FAM135B: variants seen among roughly 807,000 people sequenced by gnomAD.
FAM135B encodes protein FAM135B.
FAM135B carries 43 observed loss-of-function variants against 127.7 expected under a neutral mutation model. The observed-to-expected ratio is 0.34, with a 90% CI of 0.26 to 0.43. The LOEUF (loss-of-function observed/expected upper bound fraction) is 0.43, where lower values mean the gene tolerates loss of function less well. FAM135B is among the 20% of genes least tolerant of loss of function. FAM135B has a pLI of 1.00. For missense variants in FAM135B, 1,558 were observed against 1,725.6 expected, an observed-to-expected ratio of 0.90 and a Z score of 1.72; for synonymous variants, 670 against 665.1, an observed-to-expected ratio of 1.01 and a Z score of -0.11.
At chr8:138,446,790 C>A (rs957581523) in intron 1 of FAM135B, among the ~76,000 whole-genome samples, 31 of 151,624 alleles carry the variant, frequency 2.0e-4, no homozygotes, top group African/African-American at 4.8e-4. Context: ...GCAACAAAAG[C>A]CAAAATTGAC....
chr8:138,447,152 A>T (rs1587477511), intron 1 of FAM135B, among the ~76,000 whole-genome samples: 1 of 152,044 alleles, frequency 6.6e-6, no homozygotes, highest in African/African-American at 2.4e-5. Flanking sequence ...AAGTCAGGAA[A>T]CAACAGGTGC....
intron 3 of FAM135B, among the ~76,000 whole-genome samples, chr8:138,296,920 A>G (rs1305415530): frequency 6.6e-6 from 1 of 152,176 alleles, no homozygotes; most frequent in African/African-American, 2.4e-5. Flanking sequence ...CATGAATACT[A>G]AAGCCGAATG....
At chr8:138,449,289 C>T (rs1466740924) in intron 1 of FAM135B, among the ~76,000 whole-genome samples, 1 of 152,136 alleles carries the variant, frequency 6.6e-6, no homozygotes, top group Non-Finnish European at 1.5e-5. Context: ...AGAAACTTTC[C>T]TACTCCAAAG....
At chr8:138,181,300 G>C (rs1257160726) in intron 9 of FAM135B, among the ~76,000 whole-genome samples, 1 of 152,154 alleles carries the variant, frequency 6.6e-6, no homozygotes, top group Non-Finnish European at 1.5e-5. Flanking sequence ...GACAGGGTCA[G>C]TCATTACAAA....
chr8:138,339,735 C>G (rs1199071843), intron 2 of FAM135B, among the ~76,000 whole-genome samples: 4 of 152,292 alleles, frequency 2.6e-5, no homozygotes, highest in South Asian at 2.1e-4. Flanking sequence ...AAACACAATT[C>G]CTCCTTGCTT....
chr8:138,223,636 A>G (rs1259608293), intron 7 of FAM135B, among the ~76,000 whole-genome samples: 1 of 152,222 alleles, frequency 6.6e-6, no homozygotes, highest in African/African-American at 2.4e-5. Context: ...ATTGAAGGAT[A>G]GAGGTGGCCA....
intron 1 of FAM135B, among the ~76,000 whole-genome samples, chr8:138,453,453 A>ACT (rs1453170771): frequency 6.6e-6 from 1 of 151,074 alleles, no homozygotes; most frequent in Non-Finnish European, 1.5e-5. Flanking sequence ...AGGCAAAATG[A>ACT]CTATCTTCAT....
chr8:138,151,739 A>G lies in FAM135B; in HGVS notation c.2736T>C (p.Asn912=). The G allele has an allele frequency of 6.2e-7, 1 of 1,614,162 alleles. No homozygotes were observed. Among genetic ancestry groups the G allele is most frequent in the Non-Finnish European group, 8.5e-7 (1 of 1,180,040 alleles). The change falls in exon 13 of 20, where the codon AAT becomes AAC. Residue 912 remains asparagine, a synonymous_variant. Transcript: ENST00000395297. ...TGTTGGAAAGAGCTTGCTGACCCAC[A>G]TTCAAGTCTTTAGGCATGCCCTTTG... The part of the protein sequence containing the change: ...ETPKGMPKDL[N]VGQQALSNSG...
Position 138,183,118 on chromosome 8 carries a change from G to A in FAM135B, c.874-4428C>T, listed in dbSNP as rs137859677. ...GTGCCCTCTCCTACATATACAAGGG[G>A]GGTGGGGGGGCGGTCTAAGAATAAC... On this transcript the variant is annotated intron_variant, in intron 9 of 19. Coordinates refer to ENST00000395297, the MANE Select transcript of FAM135B (RefSeq NM_015912.4). 1.5e-3 allele frequency among the ~76,000 whole-genome samples: 225 copies of A among 151,992 alleles called. 1 individual carries two copies. The highest frequency in any genetic ancestry group is 5.1e-3 in the African/African-American group (211 of 41,450).
At chr8:138,412,084 G>A (rs1412317960) in intron 1 of FAM135B, among the ~76,000 whole-genome samples, 1 of 152,126 alleles carries the variant, frequency 6.6e-6, no homozygotes, top group African/African-American at 2.4e-5. Context: ...CGGGAAGGAG[G>A]GCAAGGGCTG....
At chr8:138,249,063 T>C (rs937836796) in intron 6 of FAM135B, among the ~76,000 whole-genome samples, 1 of 152,116 alleles carries the variant, frequency 6.6e-6, no homozygotes, top group African/African-American at 2.4e-5. Context: ...CCAGGCTGTC[T>C]GTCACCTTCT....
At chr8:138,173,682 C>T (rs142870672) in intron 11 of FAM135B, among the ~76,000 whole-genome samples, 10 of 152,284 alleles carry the variant, frequency 6.6e-5, no homozygotes, top group East Asian at 1.9e-4. Context: ...GTCAACCCTA[C>T]GGACATAGCA....
At chr8:138,489,421 A>G (rs1217008323) in intron 1 of FAM135B, among the ~76,000 whole-genome samples, 3 of 152,044 alleles carry the variant, frequency 2.0e-5, no homozygotes, top group Non-Finnish European at 4.4e-5. Flanking sequence ...ACCTTAACCT[A>G]GGTTTGGGCC....
At chr8:138,405,555 A>T (rs1014869719) in intron 1 of FAM135B, among the ~76,000 whole-genome samples, 1 of 151,584 alleles carries the variant, frequency 6.6e-6, no homozygotes, top group African/African-American at 2.4e-5. Context: ...ATCATTTTTC[A>T]TGGCTGCATA....
At chr8:138,459,214 G>A (rs886422460) in intron 1 of FAM135B, 2 of 152,188 alleles carry the variant, frequency 1.3e-5, no homozygotes, top group East Asian at 1.9e-4. Flanking sequence ...GTAAACATCA[G>A]TAGCCTCCAA....
At chr8:138,138,348 G>T (rs1255763736) in intron 18 of FAM135B, among the ~76,000 whole-genome samples, 1 of 152,216 alleles carries the variant, frequency 6.6e-6, no homozygotes, top group African/African-American at 2.4e-5. Flanking sequence ...CAGGACGGTG[G>T]AAGATTGTGA....
chr8:138,178,450 T>C (rs16908464), intron 10 of FAM135B, 85 bp downstream of exon 10: 536,677 of 1,511,444 alleles, frequency 0.36, 97,639 homozygotes, highest in African/African-American at 0.49. Context: ...AGGCCAATCC[T>C]AATGCTTGAT....
chr8:138,146,923 G>A (rs1482738517), intron 14 of FAM135B, among the ~76,000 whole-genome samples: 1 of 152,100 alleles, frequency 6.6e-6, no homozygotes. Context: ...AAAATAGTTT[G>A]TTAACTGTGA....
intron 1 of FAM135B, among the ~76,000 whole-genome samples, chr8:138,386,129 TC>T (rs1252665520): frequency 6.6e-6 from 1 of 151,316 alleles, no homozygotes; most frequent in Non-Finnish European, 1.5e-5. Flanking sequence ...GGCAGAAGAA[TC>T]ACTTGAACCT....
Sources: allele counts gnomAD v4.1 joint callset (sites outside exome capture counted in the v4.1 genomes callset), GRCh38; gene constraint gnomAD v4.1.1; transcripts MANE v1.5; gene names NCBI Gene and HGNC (gene_info 2026-07-23, HGNC 2026-07-21).